Variants in MCF2 observed in about 807,000 individuals in gnomAD.
MCF2 encodes the protein MCF.2 cell line derived transforming sequence.
In MCF2, 44 loss-of-function variants were observed where a neutral mutation model predicts 82.5. The observed-to-expected ratio is 0.53, with a 90% CI of 0.42 to 0.69. MCF2 has a LOEUF of 0.69. Among genes scored for constraint, MCF2 ranks in the 30% least tolerant of loss-of-function variants. The probability of loss-of-function intolerance (pLI) is 0.00; values close to 1 mark genes in which losing one functional copy is unlikely to be tolerated. For synonymous variants in MCF2, 217 were observed against 224.9 expected, an observed-to-expected ratio of 0.96 and a Z score of 0.32; for missense variants, 623 against 663.1, an observed-to-expected ratio of 0.94 and a Z score of 0.66.
At chrX:139,631,594 A>T (rs192681313) in intron 2 of MCF2, 83 bp from the exon 6 acceptor site, 930 of 576,112 alleles carry the variant, frequency 1.6e-3, no homozygotes, top group Non-Finnish European at 1.6e-3. Flanking sequence ...TTTGGCATAC[A>T]TTTAGCAGAA....
At chrX:139,593,179 G>C (rs1423071124) in intron 19 of MCF2, among the ~76,000 whole-genome samples, 1 of 111,843 alleles carries the variant, frequency 8.9e-6, no homozygotes, top group Non-Finnish European at 1.9e-5. Flanking sequence ...TTTGCATAGA[G>C]GTGTTTATAG....
intron 1 of MCF2, among the ~76,000 whole-genome samples, chrX:139,704,354 C>T (rs1935553766): frequency 8.9e-6 from 1 of 112,464 alleles, no homozygotes; most frequent in Admixed American, 9.4e-5. Context: ...TTTAAAGATG[C>T]TGCCAAAAGG....
chrX:139,609,227 C>T (rs1423819410), intron 11 of MCF2, among the ~76,000 whole-genome samples: 3 of 111,834 alleles, frequency 2.7e-5, no homozygotes, highest in Middle Eastern at 4.7e-3. Context: ...CTTTATTTAC[C>T]ACAAAAAACA....
rs148642510 is a variant in MCF2 at position 139,684,409 on chromosome X, A to G, written c.-45+23697T>C. Among the ~76,000 whole-genome samples the G allele has an allele frequency of 4.5e-3, 499 of 111,964 alleles. 6 individuals carry two copies. Among genetic ancestry groups the G allele is most frequent in the East Asian group, 0.036 (126 of 3,533 alleles). ...TAAAAGGGTGCAGCTGCTTTGAAAA[A>G]CGGTCTGGGATTTCCTCAAGGATGA... On this transcript the variant is annotated intron_variant, in intron 1 of 27. Transcript: ENST00000414978.
chrX:139,686,735 T>C (rs1442782245), intron 1 of MCF2, among the ~76,000 whole-genome samples: 1 of 111,520 alleles, frequency 9.0e-6, no homozygotes, highest in Non-Finnish European at 1.9e-5. Flanking sequence ...GACTCTATCC[T>C]CAAAATATAT....
chrX:139,668,280 A>G (rs1470262488), intron 1 of MCF2, among the ~76,000 whole-genome samples: 3 of 111,471 alleles, frequency 2.7e-5, no homozygotes, highest in Non-Finnish European at 5.7e-5. Context: ...CTCAGTCCCA[A>G]CACCGCTGGG....
At chrX:139,705,350 T>A (rs1017288355) in intron 1 of MCF2, among the ~76,000 whole-genome samples, 1 of 111,676 alleles carries the variant, frequency 9.0e-6, no homozygotes, top group African/African-American at 3.3e-5. Context: ...AGCTTGGTAG[T>A]GGTACAAAAA....
intron 2 of MCF2, 79 bp downstream of exon 5, chrX:139,632,256 C>A: frequency 1.3e-6 from 1 of 774,986 alleles, no homozygotes; most frequent in Non-Finnish European, 1.8e-6. Flanking sequence ...GACACATGGG[C>A]ACATGTAAAA....
At chrX:139,674,836 G>C (rs1354927345) in intron 1 of MCF2, among the ~76,000 whole-genome samples, 1 of 111,698 alleles carries the variant, frequency 9.0e-6, no homozygotes, top group Non-Finnish European at 1.9e-5. Flanking sequence ...TCTTTGTGGT[G>C]TTCTCTGTAT....
At chrX:139,699,194 C>G (rs1434281641) in intron 1 of MCF2, among the ~76,000 whole-genome samples, 1 of 112,314 alleles carries the variant, frequency 8.9e-6, no homozygotes, top group Non-Finnish European at 1.9e-5. Context: ...CTGTAATTCT[C>G]AGTCTTCCTC....
At chrX:139,646,200 T>A (rs952176416), upstream of MCF2, among the ~76,000 whole-genome samples, 2 of 112,112 alleles carry the variant, frequency 1.8e-5, no homozygotes, top group African/African-American at 6.5e-5. Context: ...TTTTTGTTCA[T>A]GAGACTTTGA....
chrX:139,588,086 G>A (rs775943771), intron 21 of MCF2, among the ~76,000 whole-genome samples: 4 of 111,475 alleles, frequency 3.6e-5, no homozygotes, highest in African/African-American at 9.8e-5. Flanking sequence ...GTCACCTCAT[G>A]GAAAGGACTG....
exon 5 of MCF2, chrX:139,626,646 A>G: frequency 8.3e-7 from 1 of 1,209,155 alleles, no homozygotes; most frequent in Non-Finnish European, 1.1e-6. Flanking sequence ...GCCAGTCACC[A>G]CTTATTTGCC....
chrX:139,588,377 T>G (rs763530540), exon 21 of MCF2: 1 of 1,208,072 alleles, frequency 8.3e-7, no homozygotes, highest in Non-Finnish European at 1.1e-6. Context: ...AAGTTCCTGC[T>G]GCTTCAACAA....
chrX:139,608,824 C>A (rs1931260868), intron 11 of MCF2, among the ~76,000 whole-genome samples: 1 of 111,661 alleles, frequency 9.0e-6, no homozygotes, highest in African/African-American at 3.2e-5. Context: ...AACTGAGGCT[C>A]AGACAGATTT....
intron 1 of MCF2, among the ~76,000 whole-genome samples, chrX:139,672,248 T>A (rs1198030428): frequency 8.9e-6 from 1 of 112,561 alleles, no homozygotes; most frequent in Non-Finnish European, 1.9e-5. Context: ...TATACAATCA[T>A]GTCATCTGCA....
At chrX:139,595,749 A>G (rs1394693441) in intron 19 of MCF2, among the ~76,000 whole-genome samples, 1 of 109,758 alleles carries the variant, frequency 9.1e-6, no homozygotes, top group African/African-American at 3.4e-5. Context: ...AAAAAAATAA[A>G]AAATAAAAAA....
chrX:139,695,366 G>A (rs925542776), intron 1 of MCF2, among the ~76,000 whole-genome samples: 16 of 111,740 alleles, frequency 1.4e-4, no homozygotes, highest in African/African-American at 5.2e-4. Context: ...TATGAATCTA[G>A]AATTATCTTT....
chrX:139,683,329 C>A (rs1603307153), intron 1 of MCF2, among the ~76,000 whole-genome samples: 1 of 112,546 alleles, frequency 8.9e-6, no homozygotes, highest in Non-Finnish European at 1.9e-5. Flanking sequence ...GTAAATAATT[C>A]CAAATATGTT....
Sources: gnomAD v4.1 joint callset for allele counts (sites outside exome capture counted in the v4.1 genomes callset) on GRCh38, gnomAD v4.1.1 for gene constraint, MANE v1.5 for transcripts, NCBI Gene and HGNC (gene_info 2026-07-23, HGNC 2026-07-21) for gene names.